Variants in KIF26B observed in about 807,000 individuals in gnomAD.
KIF26B encodes kinesin family member 26B.
A neutral mutation model predicts 151.2 loss-of-function variants in KIF26B; 63 were observed. That is an observed-to-expected ratio of 0.42 (90% CI 0.34 to 0.51). The LOEUF (loss-of-function observed/expected upper bound fraction) is 0.51. Ranked by LOEUF, KIF26B falls within the 20% of genes least tolerant of loss-of-function variation. The pLI is 0.07. For synonymous variants in KIF26B, 1,357 were observed against 1,262.1 expected, an observed-to-expected ratio of 1.08 and a Z score of -1.59; for missense variants, 2,813 against 2,913.6, an observed-to-expected ratio of 0.97 and a Z score of 0.79.
chr1:245,168,262 C>T (rs1165533809), intron 2 of KIF26B, among the ~76,000 whole-genome samples: 6 of 152,188 alleles, frequency 3.9e-5, no homozygotes, highest in Non-Finnish European at 7.3e-5. Context: ...ATCTCATCTG[C>T]AGCCGCCGCA....
chr1:245,687,961 G>C lies in KIF26B; in HGVS notation c.4978G>C (p.Glu1660Gln). ...SSSKLFSAKLEQLASRSNSLG... is the reference protein window; with the variant it reads ...SSSKLFSAKLQQLASRSNSLG... ...CAGCAAGCTCTTCAGTGCCAAGCTG[G>C]AGCAGCTGGCCAGCAGAAGCAACTC... Residue 1660 changes from glutamate (E) to glutamine (Q), a missense_variant, in exon 12 of 15, where the codon GAG becomes CAG. Physicochemically the swap from Glu to Gln is conservative, Grantham distance 29. This residue lies in a region of KIF26B where 2,060 missense variants were observed against 2,088.6 expected (regional missense o/e 0.99). Transcript: ENST00000407071. The surrounding 1 kb of genome is among the most constrained non-coding windows in gnomAD (Gnocchi z 4.9). 1 of 1,588,290 alleles carries C rather than the reference G, an allele frequency of 6.3e-7. No homozygotes were observed. Among genetic ancestry groups the C allele is most frequent in the Non-Finnish European group, 8.6e-7 (1 of 1,169,230 alleles).
At chr1:245,589,457 C>T (rs1300982176) in intron 5 of KIF26B, among the ~76,000 whole-genome samples, 1 of 152,198 alleles carries the variant, frequency 6.6e-6, no homozygotes, top group South Asian at 2.1e-4. Context: ...ACCCCTAGCT[C>T]CTTCTGCAGG....
intron 2 of KIF26B, 88 bp downstream of exon 2, chr1:245,156,771 T>A (rs1668444436): frequency 1.2e-6 from 1 of 832,682 alleles, no homozygotes. Context: ...CGCCGCGACC[T>A]TGCGCGCCGG....
intron 4 of KIF26B, among the ~76,000 whole-genome samples, chr1:245,529,891 A>T (rs184887734): frequency 1.2e-3 from 177 of 152,304 alleles, no homozygotes; most frequent in African/African-American, 4.2e-3. Flanking sequence ...GAGACAACCC[A>T]CAGAATGGGA....
At chr1:245,582,998 A>G (rs1383930986) in intron 5 of KIF26B, among the ~76,000 whole-genome samples, 1 of 152,170 alleles carries the variant, frequency 6.6e-6, no homozygotes. Flanking sequence ...CATAATTCAG[A>G]CACATGCAAC....
At chr1:245,413,701 T>C (rs1234155937) in intron 3 of KIF26B, among the ~76,000 whole-genome samples, 1 of 152,130 alleles carries the variant, frequency 6.6e-6, no homozygotes, top group Non-Finnish European at 1.5e-5. Context: ...AGGCTCTTGA[T>C]TCAGAATTAT....
intron 2 of KIF26B, among the ~76,000 whole-genome samples, chr1:245,335,645 C>T (rs114862943): frequency 0.02 from 2,963 of 148,026 alleles, 99 homozygotes; most frequent in African/African-American, 0.069. Context: ...GAGAGTCCCA[C>T]GAGGGGAAAG....
At chr1:245,387,904 T>C (rs548557560) in intron 3 of KIF26B, among the ~76,000 whole-genome samples, 2 of 152,190 alleles carry the variant, frequency 1.3e-5, no homozygotes, top group Non-Finnish European at 2.9e-5. Context: ...CCTCTGGTCA[T>C]TCACCAAGAA....
chr1:245,575,494 A>G (rs2043110092), intron 5 of KIF26B, among the ~76,000 whole-genome samples: 1 of 151,982 alleles, frequency 6.6e-6, no homozygotes, highest in South Asian at 2.1e-4. Flanking sequence ...ATGTAGAAAA[A>G]TAAAAACAAT....
chr1:245,596,960 G>A (rs1011362789), intron 5 of KIF26B, among the ~76,000 whole-genome samples: 2 of 152,038 alleles, frequency 1.3e-5, no homozygotes, highest in African/African-American at 2.4e-5. Context: ...CGCAACCCTT[G>A]CTTTTTTTGT....
intron 2 of KIF26B, among the ~76,000 whole-genome samples, chr1:245,280,694 G>A (rs1420997340): frequency 1.6e-5 from 2 of 128,316 alleles, no homozygotes; most frequent in East Asian, 2.4e-4. Context: ...ATGCTGGTGC[G>A]CTGCACCCAT....
intron 10 of KIF26B, among the ~76,000 whole-genome samples, chr1:245,662,357 T>TAC (rs1235950356): frequency 1.4e-5 from 2 of 142,156 alleles, no homozygotes; most frequent in Non-Finnish European, 3.0e-5. Flanking sequence ...TATATATATA[T>TAC]ACACCCAGTG....
intron 4 of KIF26B, among the ~76,000 whole-genome samples, chr1:245,498,539 C>T (rs1356543825): frequency 6.6e-6 from 1 of 152,128 alleles, no homozygotes; most frequent in Non-Finnish European, 1.5e-5. Context: ...TGCATATAAG[C>T]AAAGGGATCA....
At chr1:245,499,549 A>G (rs1204991216) in intron 4 of KIF26B, among the ~76,000 whole-genome samples, 1 of 152,252 alleles carries the variant, frequency 6.6e-6, no homozygotes, top group African/African-American at 2.4e-5. Flanking sequence ...TCGGAACCCT[A>G]GCCCATAGAT....
chr1:245,521,970 C>G (rs538580392), intron 4 of KIF26B, among the ~76,000 whole-genome samples: 1 of 151,314 alleles, frequency 6.6e-6, no homozygotes, highest in Non-Finnish European at 1.5e-5. Flanking sequence ...CCCGTGTTCA[C>G]GCCATTCTCC....
chr1:245,675,299 A>G (rs753098890), intron 10 of KIF26B, among the ~76,000 whole-genome samples: 2 of 151,932 alleles, frequency 1.3e-5, no homozygotes, highest in Admixed American at 6.6e-5. Context: ...TTGATTTCCC[A>G]TGTGGTCTAA....
At chr1:245,604,338 C>T (rs571823624) in intron 6 of KIF26B, among the ~76,000 whole-genome samples, 6 of 152,318 alleles carry the variant, frequency 3.9e-5, no homozygotes, top group African/African-American at 7.2e-5. Flanking sequence ...GATGTTCTCA[C>T]GGGCTCCTAT....
intron 4 of KIF26B, among the ~76,000 whole-genome samples, chr1:245,502,569 C>G (rs916119258): frequency 6.0e-5 from 9 of 149,778 alleles, no homozygotes; most frequent in African/African-American, 2.0e-4. Flanking sequence ...AGAGGCAACA[C>G]TTGTCTTGGC....
At chr1:245,301,344 C>G (rs1671425588) in intron 2 of KIF26B, among the ~76,000 whole-genome samples, 2 of 152,224 alleles carry the variant, frequency 1.3e-5, no homozygotes, top group African/African-American at 4.8e-5. Context: ...AATTGATTTT[C>G]TGTCCAACTT....
Sources: allele counts gnomAD v4.1 joint callset (sites outside exome capture counted in the v4.1 genomes callset), GRCh38; gene constraint gnomAD v4.1.1; regional missense constraint gnomAD v4.1.1; non-coding constraint Gnocchi (gnomAD v3.1); transcripts MANE v1.5; gene names NCBI Gene and HGNC (gene_info 2026-07-23, HGNC 2026-07-21).